DGKB: variants seen among roughly 807,000 people sequenced by gnomAD.
The protein encoded by DGKB is 90 kDa diacylglycerol kinase.
In DGKB, 67 loss-of-function variants were observed where a neutral mutation model predicts 114.3. The ratio of observed to expected loss-of-function variants is 0.59; its 90% CI spans 0.48 to 0.72. DGKB has a LOEUF of 0.72. DGKB is among the 30% of genes least tolerant of loss of function. DGKB has a pLI of 0.00. For missense variants in DGKB, 907 were observed against 975.2 expected, an observed-to-expected ratio of 0.93 and a Z score of 0.93; for synonymous variants, 398 against 323.1, an observed-to-expected ratio of 1.23 and a Z score of -2.49.
At chr7:14,785,921 A>G (rs950662644) in intron 2 of DGKB, among the ~76,000 whole-genome samples, 10 of 151,620 alleles carry the variant, frequency 6.6e-5, no homozygotes, top group African/African-American at 2.4e-4. Context: ...GAGCTGTAAG[A>G]TCTACGGATA....
At chr7:14,390,056 A>G (rs10279461) in intron 21 of DGKB, among the ~76,000 whole-genome samples, 133,636 of 152,148 alleles carry the variant, frequency 0.88, 59,092 homozygotes, top group Middle Eastern at 0.94. Context: ...ACCCTAAGTA[A>G]GGGTGAGGCA....
At chr7:14,182,155 C>T (rs967959423) in intron 23 of DGKB, among the ~76,000 whole-genome samples, 13 of 151,932 alleles carry the variant, frequency 8.6e-5, no homozygotes, top group African/African-American at 2.9e-4. Context: ...AAAGATAATA[C>T]GTTTTAATTA....
chr7:14,287,910 A>G (rs938429323), intron 23 of DGKB, among the ~76,000 whole-genome samples: 9 of 152,200 alleles, frequency 5.9e-5, no homozygotes, highest in African/African-American at 1.7e-4. Context: ...ATTTTTAAAC[A>G]TAATTATTCC....
At chr7:14,573,760 TAGC>T (rs1396314348) in intron 20 of DGKB, among the ~76,000 whole-genome samples, 2 of 136,884 alleles carry the variant, frequency 1.5e-5, no homozygotes, top group Non-Finnish European at 3.3e-5. Context: ...TTGAGAATAG[TAGC>T]AGGATTTTTT....
At chr7:14,901,295 C>T (rs1436548375) in intron 1 of DGKB, among the ~76,000 whole-genome samples, 2 of 152,158 alleles carry the variant, frequency 1.3e-5, no homozygotes, top group African/African-American at 4.8e-5. Flanking sequence ...GAAAGAGTAG[C>T]ACAATTTAAA....
At chr7:14,936,688 C>T (rs1010978928) in intron 1 of DGKB, among the ~76,000 whole-genome samples, 1 of 152,102 alleles carries the variant, frequency 6.6e-6, no homozygotes, top group African/African-American at 2.4e-5. Flanking sequence ...TCCACCCCCG[C>T]CTTCTTTTGG....
chr7:14,524,753 T>C (rs557441983), intron 20 of DGKB, among the ~76,000 whole-genome samples: 125 of 98,148 alleles, frequency 1.3e-3, no homozygotes, highest in African/African-American at 5.4e-3. Flanking sequence ...GAAGACTCTG[T>C]CTCAAAAAAA....
intron 20 of DGKB, among the ~76,000 whole-genome samples, chr7:14,522,406 G>T (rs1789936934): frequency 6.6e-6 from 1 of 152,132 alleles, no homozygotes; most frequent in Admixed American, 6.6e-5. Context: ...AAAAATGTCT[G>T]TCAAATCCTT....
chr7:14,588,390 C>T (rs7780574), intron 17 of DGKB, among the ~76,000 whole-genome samples: 86,949 of 151,908 alleles, frequency 0.57, 25,944 homozygotes, highest in African/African-American at 0.75. Context: ...GATAAGTAGT[C>T]AGTACCTTAA....
At chr7:14,841,714 T>C (rs1847958534) in intron 1 of DGKB, among the ~76,000 whole-genome samples, 1 of 152,210 alleles carries the variant, frequency 6.6e-6, no homozygotes, top group African/African-American at 2.4e-5. Context: ...ATATAAAATC[T>C]AGACCTAAAT....
intron 1 of DGKB, among the ~76,000 whole-genome samples, chr7:14,926,584 A>T (rs1220618162): frequency 6.7e-6 from 1 of 149,212 alleles, no homozygotes; most frequent in Non-Finnish European, 1.5e-5. Context: ...ATATTTCAAG[A>T]TTTTTTTTAT....
chr7:14,340,093 C>G (rs1435380936), intron 22 of DGKB, among the ~76,000 whole-genome samples: 1 of 148,588 alleles, frequency 6.7e-6, no homozygotes, highest in Non-Finnish European at 1.5e-5. Flanking sequence ...GAAACAAATT[C>G]TAGAGAAAGT....
intron 23 of DGKB, among the ~76,000 whole-genome samples, chr7:14,224,218 G>A (rs1790434108): frequency 6.6e-6 from 1 of 151,544 alleles, no homozygotes; most frequent in African/African-American, 2.4e-5. Flanking sequence ...AAAATTGTTT[G>A]GATTATATAA....
intron 23 of DGKB, among the ~76,000 whole-genome samples, chr7:14,297,080 A>G (rs1475775217): frequency 6.6e-6 from 1 of 152,188 alleles, no homozygotes; most frequent in Non-Finnish European, 1.5e-5. Context: ...TACAAACCAA[A>G]AAAAGCCCAG....
At chr7:14,884,497 G>A (rs1365445707) in intron 1 of DGKB, among the ~76,000 whole-genome samples, 2 of 151,900 alleles carry the variant, frequency 1.3e-5, no homozygotes, top group African/African-American at 2.4e-5. Flanking sequence ...TAAAATATCT[G>A]TACTTCTCCT....
chr7:14,964,878 C>A (rs1410954179), intron 1 of DGKB, among the ~76,000 whole-genome samples: 1 of 152,084 alleles, frequency 6.6e-6, no homozygotes, highest in African/African-American at 2.4e-5. Flanking sequence ...TGAAACCCAA[C>A]TAAGAATGGC....
chr7:14,506,287 T>G (rs1166311652), intron 20 of DGKB, among the ~76,000 whole-genome samples: 1 of 152,182 alleles, frequency 6.6e-6, no homozygotes, highest in Non-Finnish European at 1.5e-5. Context: ...GCAAGCTTAG[T>G]GCAAGTCCAG....
intron 23 of DGKB, among the ~76,000 whole-genome samples, chr7:14,279,123 C>T (rs190214474): frequency 8.5e-5 from 13 of 152,252 alleles, no homozygotes; most frequent in East Asian, 1.9e-4. Context: ...GGGTGATGGA[C>T]GGCACCTGGA....
At chr7:14,500,673 T>A (rs925041994) in intron 20 of DGKB, among the ~76,000 whole-genome samples, 1 of 151,848 alleles carries the variant, frequency 6.6e-6, no homozygotes, top group Non-Finnish European at 1.5e-5. Flanking sequence ...CGTGGTGTTT[T>A]AAGCATGGTG....
Sources: gnomAD v4.1 joint callset for allele counts (sites outside exome capture counted in the v4.1 genomes callset) on GRCh38, gnomAD v4.1.1 for gene constraint, MANE v1.5 for transcripts, NCBI Gene and HGNC (gene_info 2026-07-23, HGNC 2026-07-21) for gene names.